The following CATSPERE variants were observed in gnomAD, a reference collection of about 807,000 sequenced individuals.
The protein encoded by CATSPERE is catsper channel auxiliary subunit epsilon, also known as cation channel sperm-associated auxiliary subunit epsilon.
A neutral mutation model predicts 114.1 loss-of-function variants in CATSPERE; 93 were observed. The ratio of observed to expected loss-of-function variants is 0.81; its 90% CI spans 0.69 to 0.97. The LOEUF (loss-of-function observed/expected upper bound fraction) is 0.97. Ranked by LOEUF, CATSPERE falls within the 50% of genes least tolerant of loss-of-function variation. The pLI, the probability that CATSPERE is intolerant of heterozygous loss-of-function variation, is 0.00. For synonymous variants in CATSPERE, 341 were observed against 384.1 expected (o/e 0.89, Z 1.31); for missense variants, 1,058 against 1,131.6 (o/e 0.93, Z 0.93).
chr1:244,561,176 C>G, intron 10 of CATSPERE, 31 bp downstream of exon 10: 2 of 1,361,788 alleles, frequency 1.5e-6, no homozygotes, highest in Non-Finnish European at 2.1e-6. Context: ...TAACATTATT[C>G]TAGATTTCAC....
Position 244,573,239 on chromosome 1 carries a change from G to A in CATSPERE, c.1950+467G>A, listed in dbSNP as rs1008886927. ...ATCCTGGCTAACACAGTGAAACCCC[G>A]TCTCTACTAAAAATACAAAAAATTA... is the stretch of plus-strand genomic sequence containing the variant. On this transcript the variant is annotated intron_variant, in intron 11 of 21. Coordinates refer to ENST00000366534, the MANE Select transcript of CATSPERE (RefSeq NM_001130957.2). This position sits in a 1 kb window ranked among gnomAD's most constrained non-coding sequence, Gnocchi z 4.0. 5.3e-5 allele frequency among the ~76,000 whole-genome samples: 8 copies of A among 151,932 alleles called. No individual in the cohort carries two copies. The East Asian group carries it at 5.8e-4, about 11-fold the overall frequency.
In CATSPERE at chr1:244,640,188, C is replaced by A. The variant is rs200556990; in HGVS notation, c.*107C>A. On this transcript the variant is annotated 3_prime_UTR_variant, in exon 22 of 22. Coordinates refer to ENST00000366534, the MANE Select transcript of CATSPERE (RefSeq NM_001130957.2). ...GACCAAGAAATACTAAATATAAGCT[C>A]GTAGTAGGCATCACCAAATTCAAGA... 6 of 743,948 alleles carry A rather than the reference C, an allele frequency of 8.1e-6. No homozygotes were observed. The highest frequency in any genetic ancestry group is 5.7e-5 in the East Asian group (2 of 34,952). The allele number at this position is 743,948 out of a possible 1,614,324, so 46.1% of individuals were successfully genotyped here.
At chr1:244,509,904 T>C (rs914951381) in intron 7 of CATSPERE, among the ~76,000 whole-genome samples, 12 of 152,202 alleles carry the variant, frequency 7.9e-5, no homozygotes, top group African/African-American at 2.9e-4. Flanking sequence ...CTTTGAAGGT[T>C]TGTGGATCCA....
intron 2 of CATSPERE, among the ~76,000 whole-genome samples, chr1:244,466,330 A>G (rs969473488): frequency 1.3e-5 from 2 of 152,162 alleles, no homozygotes; most frequent in African/African-American, 4.8e-5. Context: ...AAAAATTTTC[A>G]TTGTATGGAA....
chr1:244,632,829 C>T (rs1026382455), intron 20 of CATSPERE, among the ~76,000 whole-genome samples: 1 of 152,048 alleles, frequency 6.6e-6, no homozygotes, highest in Non-Finnish European at 1.5e-5. Context: ...CTAAATATCC[C>T]AATTAAAGAA....
intron 10 of CATSPERE, among the ~76,000 whole-genome samples, chr1:244,569,323 C>T (rs1056180125): frequency 2.0e-5 from 3 of 152,222 alleles, no homozygotes; most frequent in Non-Finnish European, 4.4e-5. Flanking sequence ...AGAAATCACC[C>T]GCCTTCTGCG....
chr1:244,505,498 A>C (rs972973271), intron 7 of CATSPERE, among the ~76,000 whole-genome samples: 3 of 152,198 alleles, frequency 2.0e-5, no homozygotes, highest in African/African-American at 7.2e-5. Context: ...TATTAAGCTA[A>C]ATGTGAGTTT....
At chr1:244,497,835 A>G (rs1425272720) in intron 6 of CATSPERE, among the ~76,000 whole-genome samples, 1 of 152,148 alleles carries the variant, frequency 6.6e-6, no homozygotes, top group African/African-American at 2.4e-5. Flanking sequence ...ATGATACCAC[A>G]GTACCATTTT....
At chr1:244,465,076 C>G (rs1667408961) in intron 2 of CATSPERE, among the ~76,000 whole-genome samples, 1 of 150,896 alleles carries the variant, frequency 6.6e-6, no homozygotes, top group Admixed American at 6.6e-5. Flanking sequence ...CACTCTGTCA[C>G]CCAGGCTGGA....
chr1:244,497,611 A>G (rs1673311543), intron 6 of CATSPERE, among the ~76,000 whole-genome samples: 1 of 152,176 alleles, frequency 6.6e-6, no homozygotes, highest in Non-Finnish European at 1.5e-5. Flanking sequence ...AGCCTGGCCA[A>G]CATGGCGAAA....
intron 8 of CATSPERE, among the ~76,000 whole-genome samples, chr1:244,521,687 A>T (rs1677599780): frequency 6.6e-6 from 1 of 152,218 alleles, no homozygotes; most frequent in Non-Finnish European, 1.5e-5. Context: ...GAAATATAGA[A>T]TATCTTTATT....
At position 244,515,632 on chromosome 1, in the gene CATSPERE, C is replaced by G. The variant is rs3003281; in HGVS notation, c.430-2960C>G. On this transcript the variant is annotated intron_variant, in intron 7 of 21. Coordinates refer to ENST00000366534, the MANE Select transcript of CATSPERE (RefSeq NM_001130957.2). ...GGGGCCTAAGGCCAGACCCTGGGAA[C>G]CATTAATAGAGCAGGAGGGAGTGAT... Among the ~76,000 whole-genome samples, 1,101 of 152,142 alleles carry G rather than the reference C, an allele frequency of 7.2e-3. 14 individuals are homozygous for G. The highest frequency in any genetic ancestry group is 0.025 in the African/African-American group (1,026 of 41,516).
intron 8 of CATSPERE, among the ~76,000 whole-genome samples, chr1:244,547,771 G>A (rs3000689): frequency 0.87 from 132,351 of 152,166 alleles, 58,535 homozygotes; most frequent in East Asian, 1. Context: ...AGGAAGAAAA[G>A]ATCTATAAAA....
rs551306109 is a variant in CATSPERE at position 244,594,849 on chromosome 1, T to G, written c.2303+1271T>G. Among the ~76,000 whole-genome samples the G allele has an allele frequency of 4.6e-5, 7 of 152,274 alleles. No homozygotes were observed. The South Asian group carries it at 1.5e-3, about 32-fold the overall frequency. On this transcript the variant is annotated intron_variant, in intron 17 of 21. Transcript: ENST00000366534. ...CCCTCGCCCATGGCACTTCTAAGAC[T>G]CTACCATGTGCCCTTTCCATCTTAA...
At chr1:244,517,695 C>T (rs1402403141) in intron 7 of CATSPERE, among the ~76,000 whole-genome samples, 3 of 151,752 alleles carry the variant, frequency 2.0e-5, no homozygotes, top group African/African-American at 7.3e-5. Context: ...ATCGCTTGAA[C>T]CCAGGAGGTA....
At chr1:244,524,920 A>T (rs1678274349) in intron 8 of CATSPERE, among the ~76,000 whole-genome samples, 1 of 147,364 alleles carries the variant, frequency 6.8e-6, no homozygotes, top group Admixed American at 6.6e-5. Context: ...CCATTGTGGA[A>T]GTCAGTGTGG....
At position 244,633,437 on chromosome 1, in the gene CATSPERE, T is replaced by C. The variant is rs753348694; in HGVS notation, c.2649-2052T>C. Reference sequence around the variant, plus strand: ...ACCTCATTATCACACAGCTGGGTTGTTTACTACTATGTATAATTTTTCCAT... The same window carrying C: ...ACCTCATTATCACACAGCTGGGTTGCTTACTACTATGTATAATTTTTCCAT... On this transcript the variant is annotated intron_variant, in intron 20 of 21. Transcript: ENST00000366534. The surrounding 1 kb of genome is among the most constrained non-coding windows in gnomAD (Gnocchi z 4.1). Among the ~76,000 whole-genome samples the C allele has an allele frequency of 6.6e-6, 1 of 152,200 alleles. No individual in the cohort carries two copies. The highest frequency in any genetic ancestry group is 1.5e-5 in the Non-Finnish European group (1 of 68,048).
At chr1:244,486,320 G>A (rs544006722) in intron 5 of CATSPERE, among the ~76,000 whole-genome samples, 44 of 151,728 alleles carry the variant, frequency 2.9e-4, no homozygotes, top group African/African-American at 9.7e-4. Flanking sequence ...TGGGGTACTC[G>A]TGGGCCAGGT....
At chr1:244,474,479 T>C (rs1431670932) in intron 2 of CATSPERE, among the ~76,000 whole-genome samples, 1 of 152,042 alleles carries the variant, frequency 6.6e-6, no homozygotes, top group East Asian at 1.9e-4. Context: ...TCTTTAATTA[T>C]AGAATATTAC....
Sources: gnomAD v4.1 joint callset for allele counts (sites outside exome capture counted in the v4.1 genomes callset) on GRCh38, gnomAD v4.1.1 for gene constraint, Gnocchi (gnomAD v3.1) non-coding constraint, MANE v1.5 for transcripts, NCBI Gene and HGNC (gene_info 2026-07-23, HGNC 2026-07-21) for gene names.